Variants in STAP1 observed in about 807,000 individuals in gnomAD.
The protein encoded by STAP1 is signal-transducing adaptor protein 1.
A neutral mutation model predicts 37.8 loss-of-function variants in STAP1; 30 were observed. The observed-to-expected ratio is 0.79, with a 90% CI of 0.59 to 1.08. The LOEUF (loss-of-function observed/expected upper bound fraction) is 1.08, where lower values mean the gene tolerates loss of function less well. STAP1 is among the 50% of genes least tolerant of loss of function. The pLI is 0.00. For synonymous variants in STAP1, 130 were observed against 116.0 expected (o/e 1.12, Z -0.78); for missense variants, 357 against 349.4 (o/e 1.02, Z -0.17).
At position 67,583,669 on chromosome 4, in the gene STAP1, G is replaced by A; in HGVS notation, c.626G>A (p.Arg209Lys). Residue 209 changes from arginine (R) to lysine (K), a missense_variant, in exon 6 of 9, where the codon AGA becomes AAA. By Grantham distance (26) the Arg-to-Lys change is conservative. Coordinates refer to ENST00000265404, the MANE Select transcript of STAP1 (RefSeq NM_012108.4). ...ATCCTGAGGCCTGGTAGTGACAGTA[G>A]AAACTACTCCATCACTATTCGGCAG... ...NMILRPGSDS[R>K]NYSITIRQEI... The A allele has an allele frequency of 6.2e-7, 1 of 1,613,758 alleles. No individual in the cohort carries two copies. Among genetic ancestry groups the A allele is most frequent in the Non-Finnish European group, 8.5e-7 (1 of 1,179,808 alleles).
rs370625127 is a variant in STAP1, at chr4:67,606,383, T to C, written c.*26T>C. On this transcript the variant is annotated 3_prime_UTR_variant, in exon 9 of 9. Transcript: ENST00000265404. The stretch of plus-strand genomic sequence containing the variant: ...AATACAATGTGAAAGCTCCTTTGTA[T>C]ATCTTGGTAATTTATATTTTCAAAA... The C allele has an allele frequency of 9.4e-6, 15 of 1,587,570 alleles. No homozygotes were observed. In the African/African-American group the frequency reaches 1.9e-4, roughly 20 times the overall value.
chr4:67,588,811 TA>T (rs1460239278), intron 6 of STAP1, among the ~76,000 whole-genome samples: 5 of 152,188 alleles, frequency 3.3e-5, no homozygotes, highest in Non-Finnish European at 7.4e-5. Flanking sequence ...TCAGGCGCAA[TA>T]AAAACTTTGA....
At position 67,595,400 on chromosome 4, in the gene STAP1, A is replaced by AT. The variant is rs1577767546; in HGVS notation, c.826+2044_826+2045insT. ...AAAAAAAAAAAAAAAAAAAAAAAAAAATGCTGGGTATGGTAGCACATGCCT... is the reference window on the plus strand; with the variant it reads ...AAAAAAAAAAAAAAAAAAAAAAAAAATATGCTGGGTATGGTAGCACATGCCT... On this transcript the variant is annotated intron_variant, in intron 8 of 8. Coordinates refer to ENST00000265404, the MANE Select transcript of STAP1 (RefSeq NM_012108.4). 3.0e-4 allele frequency among the ~76,000 whole-genome samples: 42 copies of AT among 138,238 alleles called. No homozygotes were observed. The East Asian group carries it at 8.4e-3, about 28-fold the overall frequency. The allele number at this position is 138,238 out of a possible 152,430, so 90.7% of individuals were successfully genotyped here.
At chr4:67,563,165 A>G (rs954924471) in intron 1 of STAP1, among the ~76,000 whole-genome samples, 3 of 152,224 alleles carry the variant, frequency 2.0e-5, no homozygotes, top group Non-Finnish European at 2.9e-5. Context: ...AGATAAAAGT[A>G]TCAGTCCAAT....
chr4:67,559,896 T>C (rs1560452957), intron 1 of STAP1, among the ~76,000 whole-genome samples: 1 of 152,150 alleles, frequency 6.6e-6, no homozygotes, highest in Non-Finnish European at 1.5e-5. Flanking sequence ...GATCATTTAC[T>C]ATTTGAGAGT....
chr4:67,593,334 A>G lies in STAP1; in HGVS notation c.804A>G (p.Ile268Met), dbSNP rs1235025973. The G allele has an allele frequency of 1.2e-6, 2 of 1,611,908 alleles. No homozygotes were observed. The highest frequency in any genetic ancestry group is 1.1e-5 in the South Asian group (1 of 90,710). The stretch of plus-strand genomic sequence containing the variant: ...CTCGAGGAAATTTAAGACCATTTAT[A>G]TGTTCAACTGATGAAAACACTGGTA... ...KETRGNLRPF[I>M]CSTDENTGQE... Residue 268 changes from isoleucine to methionine, a missense_variant, in exon 8 of 9, where the codon ATA becomes ATG. Ile to Met is a conservative substitution (Grantham distance 10). Coordinates refer to ENST00000265404, the MANE Select transcript of STAP1 (RefSeq NM_012108.4).
chr4:67,575,484 G>GAAGTACAACTGAAGGTGAGC lies in STAP1; in HGVS notation c.293_306+6dup. The GAAGTACAACTGAAGGTGAGC allele has an allele frequency of 6.2e-7, 1 of 1,609,762 alleles. No homozygotes were observed. The highest frequency in any genetic ancestry group is 8.5e-7 in the Non-Finnish European group (1 of 1,178,176). On this transcript the variant is annotated frameshift_variant, in exon 3 of 9. Coordinates refer to ENST00000265404, the MANE Select transcript of STAP1 (RefSeq NM_012108.4). LOFTEE classifies it high-confidence loss of function. ...ATTCACCCTTGTTTTGCCGAAAGAGGAAGTACAACTGAAGGTGAGCGAGGA... is the reference window on the plus strand; with the variant it reads ...ATTCACCCTTGTTTTGCCGAAAGAGGAAGTACAACTGAAGGTGAGCAAGTACAACTGAAGGTGAGCGAGGA...
intron 8 of STAP1, among the ~76,000 whole-genome samples, chr4:67,596,841 T>C (rs1227838611): frequency 2.0e-5 from 3 of 152,178 alleles, no homozygotes; most frequent in Non-Finnish European, 2.9e-5. Flanking sequence ...CACAAAGAGA[T>C]GGTTTGAAAT....
At chr4:67,596,776 C>A (rs923972949) in intron 8 of STAP1, among the ~76,000 whole-genome samples, 6 of 152,186 alleles carry the variant, frequency 3.9e-5, no homozygotes, top group Non-Finnish European at 8.8e-5. Context: ...TTCTAAGCAG[C>A]ACAGTGTTCA....
intron 2 of STAP1, 74 bp downstream of exon 2, chr4:67,571,229 A>G (rs1342875116): frequency 1.5e-5 from 16 of 1,036,638 alleles, no homozygotes; most frequent in Non-Finnish European, 2.3e-5. Flanking sequence ...TTCATTTTGG[A>G]TTTTCTGCCA....
rs146506355 is a variant in STAP1, at chr4:67,593,504, T to G, written c.826+148T>G. The stretch of plus-strand genomic sequence containing the variant: ...ATCCATTTGGAAATCATTTTGTCAC[T>G]CAGTCTGTGAAAATAGGAAAGTACC... On this transcript the variant is annotated intron_variant, in intron 8 of 8. Coordinates refer to ENST00000265404, the MANE Select transcript of STAP1 (RefSeq NM_012108.4). 15 of 623,274 alleles carry G rather than the reference T, an allele frequency of 2.4e-5. No individual in the cohort carries two copies. In the East Asian group the frequency reaches 4.3e-4, roughly 18 times the overall value. The allele number at this position is 623,274 out of a possible 1,614,324, so 38.6% of individuals were successfully genotyped here.
intron 8 of STAP1, among the ~76,000 whole-genome samples, chr4:67,605,358 G>A (rs948893195): frequency 7.0e-6 from 1 of 142,158 alleles, no homozygotes; most frequent in East Asian, 2.1e-4. Context: ...CACCCTCAGG[G>A]CAGGGCCAGG....
chr4:67,571,097 ACTG>A lies in STAP1; in HGVS notation c.135_137del (p.Tyr45_Trp46delinsTer). On this transcript the variant is annotated stop_gained and inframe_deletion, in exon 2 of 9. Coordinates refer to ENST00000265404, the MANE Select transcript of STAP1 (RefSeq NM_012108.4). LOFTEE classifies it high-confidence loss of function. ...TCTTTCCCACAGGAGTATGAGCATT[ACTG>A]GACAGAGTTGAGAGGAACTACTCTT... The A allele has an allele frequency of 6.2e-7, 1 of 1,611,428 alleles. No individual in the cohort carries two copies. Among genetic ancestry groups the A allele is most frequent in the Non-Finnish European group, 8.5e-7 (1 of 1,177,748 alleles).
At chr4:67,579,686 T>C (rs1727806826) in intron 4 of STAP1, among the ~76,000 whole-genome samples, 1 of 151,934 alleles carries the variant, frequency 6.6e-6, no homozygotes, top group Admixed American at 6.6e-5. Context: ...CACTTTTAAA[T>C]GACTAGATCT....
intron 1 of STAP1, among the ~76,000 whole-genome samples, chr4:67,560,467 A>G (rs962425027): frequency 9.9e-5 from 15 of 152,202 alleles, no homozygotes; most frequent in Non-Finnish European, 1.9e-4. Context: ...CAAAGATTTT[A>G]TTTTCAAGAG....
chr4:67,591,349 G>A lies in STAP1; in HGVS notation c.729+396G>A, dbSNP rs1728115151. On this transcript the variant is annotated intron_variant, in intron 7 of 8. Transcript: ENST00000265404. ...CTCTTAATAGCAACATAGTAGTGAAGAAAGCATTTCTTATTTGTCTTGAAC... is the reference window on the plus strand; with the variant it reads ...CTCTTAATAGCAACATAGTAGTGAAAAAAGCATTTCTTATTTGTCTTGAAC... Among the ~76,000 whole-genome samples, 3 of 152,158 alleles carry A rather than the reference G, an allele frequency of 2.0e-5. No individual in the cohort carries two copies. The South Asian group carries it at 6.2e-4, about 31-fold the overall frequency.
intron 7 of STAP1, among the ~76,000 whole-genome samples, chr4:67,592,368 G>A (rs916443845): frequency 1.3e-5 from 2 of 152,096 alleles, no homozygotes; most frequent in African/African-American, 4.8e-5. Context: ...TATTAGTTTA[G>A]GGGTAGAGAC....
At chr4:67,582,121 C>G (rs536865169) in intron 5 of STAP1, among the ~76,000 whole-genome samples, 1 of 152,072 alleles carries the variant, frequency 6.6e-6, no homozygotes, top group South Asian at 2.1e-4. Context: ...TCACTGAAAC[C>G]CGCCAACCAT....
intron 7 of STAP1, 89 bp downstream of exon 7, chr4:67,591,042 G>C: frequency 2.3e-6 from 2 of 871,372 alleles, no homozygotes; most frequent in Non-Finnish European, 3.6e-6. Context: ...AAGTTAAGGA[G>C]CCCTGAATGT....
Sources: allele counts gnomAD v4.1 joint callset (sites outside exome capture counted in the v4.1 genomes callset), GRCh38; gene constraint gnomAD v4.1.1; transcripts MANE v1.5; gene names NCBI Gene and HGNC (gene_info 2026-07-23, HGNC 2026-07-21).